FCAR: variants seen among roughly 807,000 people sequenced by gnomAD.
FCAR encodes the protein Fc alpha receptor.
In FCAR, 21 loss-of-function variants were observed where a neutral mutation model predicts 27.1. The observed-to-expected ratio is 0.77, with a 90% confidence interval of 0.55 to 1.11. FCAR has a LOEUF of 1.11. Among genes scored for constraint, FCAR ranks in the 50% most tolerant of loss-of-function variants. FCAR has a pLI of 0.00. For missense variants in FCAR, 404 were observed against 358.4 expected (o/e 1.13, Z -1.03); for synonymous variants, 134 against 135.8 (o/e 0.99, Z 0.09).
intron 2 of FCAR, among the ~76,000 whole-genome samples, chr19:54,879,157 G>C (rs587743385): frequency 6.6e-6 from 1 of 152,046 alleles, no homozygotes; most frequent in Non-Finnish European, 1.5e-5. Context: ...GGTTACAGGC[G>C]TGAGCCACTG....
intron 2 of FCAR, 24 bp downstream of exon 2, chr19:54,875,389 C>G (rs775528912): frequency 2.5e-6 from 4 of 1,608,644 alleles, no homozygotes; most frequent in Non-Finnish European, 3.4e-6. Context: ...AAATCTCTCC[C>G]AGCCCCTTTA....
At chr19:54,878,155 G>T (rs2066204968) in intron 2 of FCAR, among the ~76,000 whole-genome samples, 1 of 152,182 alleles carries the variant, frequency 6.6e-6, no homozygotes, top group Non-Finnish European at 1.5e-5. Context: ...CTGACCTCAT[G>T]ATCCGCCAGC....
intron 1 of FCAR, 50 bp from the exon 2 acceptor site, chr19:54,875,280 G>A (rs368061625): frequency 4.4e-5 from 68 of 1,557,438 alleles, no homozygotes; most frequent in East Asian, 2.0e-4. Context: ...GTGATTTGTC[G>A]TAAAGGTTGG....
chr19:54,886,053 C>A (rs1177515280), intron 3 of FCAR, among the ~76,000 whole-genome samples: 2 of 152,080 alleles, frequency 1.3e-5, no homozygotes, highest in Admixed American at 6.5e-5. Context: ...TCGAGACCAG[C>A]CTGGCCAACA....
rs2066646747 is a variant in FCAR at position 54,885,322 on chromosome 19, G to A, written c.158G>A (p.Arg53His). 6 of 1,613,902 alleles carry A rather than the reference G, an allele frequency of 3.7e-6. No individual in the cohort carries two copies. Among genetic ancestry groups the A allele is most frequent in the South Asian group, 2.2e-5 (2 of 91,074 alleles). ...GTGAAAATCCAGTGCCAGGCCATTC[G>A]TGAAGCTTACCTGACCCAGCTGATG... ...GSVKIQCQAI[R>H]EAYLTQLMII... Residue 53 changes from arginine (R) to histidine (H), a missense_variant, in exon 3 of 5, where the codon CGT becomes CAT. Physicochemically the swap from Arg to His is conservative, Grantham distance 29. Transcript: ENST00000355524.
Position 54,889,698 on chromosome 19 carries a change from G to C in FCAR, c.699G>C (p.Val233=). ...YTTQNLIRMA[V]AGLVLVALLA... The stretch of plus-strand genomic sequence containing the variant: ...CGCAGAACTTGATCCGCATGGCCGT[G>C]GCAGGACTGGTCCTCGTGGCTCTCT... The change falls in exon 5 of 5, where the codon GTG becomes GTC. Residue 233 remains valine, a synonymous_variant. Coordinates refer to ENST00000355524, the MANE Select transcript of FCAR (RefSeq NM_002000.4). 7.4e-6 allele frequency: 12 copies of C among 1,614,174 alleles called. No individual in the cohort carries two copies. The highest frequency in any genetic ancestry group is 1.0e-5 in the Non-Finnish European group (12 of 1,180,014).
intron 1 of FCAR, 39 bp downstream of exon 1, chr19:54,874,362 G>A (rs748741137): frequency 1.9e-6 from 3 of 1,600,998 alleles, no homozygotes; most frequent in Non-Finnish European, 1.7e-6. Context: ...GGGGAAGATA[G>A]AGAAATCCCA....
rs146580216 is a variant in FCAR, at chr19:54,875,349, G to C, written c.54G>C (p.Arg18Ser). The C allele has an allele frequency of 1.9e-5, 30 of 1,613,854 alleles. No homozygotes were observed. The African/African-American group carries it at 3.2e-4, about 17-fold the overall frequency. Residue 18 changes from arginine (R) to serine (S), a missense_variant, in exon 2 of 5, where the codon AGG (arginine) becomes AGC (serine). Coordinates refer to ENST00000355524, the MANE Select transcript of FCAR (RefSeq NM_002000.4). Reference sequence around the variant, plus strand: ...TTCCAGTGCTCTGTCTGGGCCAGAGGATTCAGGCACAGGAAGGTAAGTGTC... The same window carrying C: ...TTCCAGTGCTCTGTCTGGGCCAGAGCATTCAGGCACAGGAAGGTAAGTGTC... ...LLCLVLCLGQRIQAQEGDFPM... is the reference protein window; with the variant it reads ...LLCLVLCLGQSIQAQEGDFPM...
intron 3 of FCAR, among the ~76,000 whole-genome samples, chr19:54,887,576 G>A (rs28642207): frequency 0.32 from 46,983 of 146,616 alleles, 7,651 homozygotes; most frequent in Admixed American, 0.45. Context: ...AGCTGAGATC[G>A]TGCCACTGCA....
In FCAR at chr19:54,880,364, C is replaced by T. The variant is rs587673053; in HGVS notation, c.71-4871C>T. On this transcript the variant is annotated intron_variant, in intron 2 of 4. Coordinates refer to ENST00000355524, the MANE Select transcript of FCAR (RefSeq NM_002000.4). ...ATTTTGCCATTAATACTTGTGATCG[C>T]ATTATGAAATCTCGTAGTGTGTTTT... 2.0e-5 allele frequency among the ~76,000 whole-genome samples: 3 copies of T among 152,302 alleles called. No individual in the cohort carries two copies. The South Asian group carries it at 6.2e-4, about 32-fold the overall frequency.
intron 2 of FCAR, among the ~76,000 whole-genome samples, chr19:54,882,729 G>A (rs879618473): frequency 2.0e-5 from 3 of 151,936 alleles, no homozygotes; most frequent in East Asian, 1.9e-4. Context: ...GTGAGCCACC[G>A]CGCCCGGCCT....
At position 54,889,942 on chromosome 19, in the gene FCAR, C is replaced by T. The variant is rs1389803094; in HGVS notation, c.*79C>T. The T allele has an allele frequency of 3.8e-6, 4 of 1,064,696 alleles. No homozygotes were observed. The East Asian group carries it at 9.5e-5, about 25-fold the overall frequency. The allele number at this position is 1,064,696 out of a possible 1,614,324, so 66.0% of individuals were successfully genotyped here. ...ACTTGAAGGACACAAGAGAGAAAAG[C>T]TCACTAAGAAGCTTGAATCTACTTT... On this transcript the variant is annotated 3_prime_UTR_variant, in exon 5 of 5. Transcript: ENST00000355524.
chr19:54,885,143 C>T lies in FCAR; in HGVS notation c.71-92C>T, dbSNP rs113022961. 2,050 of 1,122,320 alleles carry T rather than the reference C, an allele frequency of 1.8e-3. 30 individuals are homozygous for T. The African/African-American group carries it at 0.029, about 16-fold the overall frequency. The allele number at this position is 1,122,320 out of a possible 1,614,324, so 69.5% of individuals were successfully genotyped here. A position where few individuals can be genotyped will look rare whatever the true frequency, so the allele number is the denominator to read the frequency against. ...TAAATAAAGAATGGTAGGTTCTTCA[C>T]ACCCTAATGTATTTTTACTTCTCCC... On this transcript the variant is annotated intron_variant, in intron 2 of 4. Coordinates refer to ENST00000355524, the MANE Select transcript of FCAR (RefSeq NM_002000.4).
rs587593836 is a variant in FCAR, at chr19:54,878,942, G to A, written c.70+3577G>A. On this transcript the variant is annotated intron_variant, in intron 2 of 4. Transcript: ENST00000355524. ...CACCCAGGCTGGAGTGCAGTGGTAT[G>A]ATCTTGACTCACTGCAACTTCTGCC... is the stretch of plus-strand genomic sequence containing the variant. Among the ~76,000 whole-genome samples, 7 of 133,182 alleles carry A rather than the reference G, an allele frequency of 5.3e-5. No individual in the cohort carries two copies. The South Asian group carries it at 1.7e-3, about 32-fold the overall frequency. 87.4% of individuals were successfully genotyped at this position (133,182 alleles called of 152,430 possible).
Position 54,890,537 on chromosome 19 carries a change from C to T in FCAR, c.*674C>T, listed in dbSNP as rs1406079452. On this transcript the variant is annotated 3_prime_UTR_variant, in exon 5 of 5. Coordinates refer to ENST00000355524, the MANE Select transcript of FCAR (RefSeq NM_002000.4). ...CTGCCTCCTGGGTTCAAGTGATTCT[C>T]CTGCCTCGGCCTCCCAAGTAGCTGG... 1 of 151,996 alleles carries T rather than the reference C, an allele frequency of 6.6e-6. No individual in the cohort carries two copies. The highest frequency in any genetic ancestry group is 2.1e-4 in the South Asian group (1 of 4,798). 9.4% of individuals were successfully genotyped at this position (151,996 alleles called of 1,614,324 possible).
intron 2 of FCAR, among the ~76,000 whole-genome samples, chr19:54,884,689 G>A (rs924113184): frequency 6.7e-6 from 1 of 149,766 alleles, no homozygotes; most frequent in Non-Finnish European, 1.5e-5. Context: ...AGATGGGGGG[G>A]AAGAAAGGGG....
At chr19:54,879,783 A>C (rs1342849375) in intron 2 of FCAR, among the ~76,000 whole-genome samples, 2 of 150,904 alleles carry the variant, frequency 1.3e-5, no homozygotes, top group Non-Finnish European at 2.9e-5. Flanking sequence ...TCCCGGATTC[A>C]CGCCATTCTC....
chr19:54,886,808 A>G (rs1407540677), intron 3 of FCAR, among the ~76,000 whole-genome samples: 3 of 152,230 alleles, frequency 2.0e-5, no homozygotes, highest in Non-Finnish European at 4.4e-5. Context: ...GGGTACTCCC[A>G]CTACTGGAAA....
chr19:54,887,581 A>G (rs1383203624), intron 3 of FCAR, among the ~76,000 whole-genome samples: 1 of 151,526 alleles, frequency 6.6e-6, no homozygotes, highest in Non-Finnish European at 1.5e-5. Flanking sequence ...AGATCGTGCC[A>G]CTGCACTGCA....
Sources: allele counts gnomAD v4.1 joint callset (sites outside exome capture counted in the v4.1 genomes callset), GRCh38; gene constraint gnomAD v4.1.1; transcripts MANE v1.5; gene names NCBI Gene and HGNC (gene_info 2026-07-23, HGNC 2026-07-21).